Variants in NEGR1 observed in about 807,000 individuals in gnomAD.
The protein encoded by NEGR1 is IgLON family member 4.
A neutral mutation model predicts 40.9 loss-of-function variants in NEGR1; 10 were observed. The ratio of observed to expected loss-of-function variants is 0.24; its 90% CI spans 0.15 to 0.42. NEGR1 has a LOEUF of 0.42. NEGR1 is among the 10% of genes least tolerant of loss of function. NEGR1 has a pLI of 1.00. For synonymous variants in NEGR1, 185 were observed against 166.8 expected (o/e 1.11, Z -0.84); for missense variants, 352 against 438.9 (o/e 0.80, Z 1.77).
chr1:71,763,997 A>G (rs968850519), intron 3 of NEGR1, among the ~76,000 whole-genome samples: 1 of 152,130 alleles, frequency 6.6e-6, no homozygotes, highest in Non-Finnish European at 1.5e-5. Flanking sequence ...TATAAAGAAG[A>G]ACAGATTATT....
intron 2 of NEGR1, among the ~76,000 whole-genome samples, chr1:71,906,119 G>A (rs2101868251): frequency 1.3e-5 from 2 of 152,134 alleles, no homozygotes; most frequent in South Asian, 4.2e-4. Context: ...CTGCTAAAAC[G>A]GAGCACTCTA....
chr1:72,116,095 A>G (rs1462254610), intron 1 of NEGR1, among the ~76,000 whole-genome samples: 1 of 151,892 alleles, frequency 6.6e-6, no homozygotes, highest in East Asian at 1.9e-4. Context: ...CTGTATTATT[A>G]TCAGTGTGGA....
At chr1:72,164,411 C>T (rs1049224166) in intron 1 of NEGR1, among the ~76,000 whole-genome samples, 1 of 151,892 alleles carries the variant, frequency 6.6e-6, no homozygotes, top group Admixed American at 6.6e-5. Flanking sequence ...TTAAGGTCAA[C>T]CAGTCTCAAG....
chr1:71,853,472 A>C (rs1399475451), intron 2 of NEGR1, among the ~76,000 whole-genome samples: 1 of 152,102 alleles, frequency 6.6e-6, no homozygotes, highest in Non-Finnish European at 1.5e-5. Flanking sequence ...TTACAAAGAC[A>C]ATTGTGTCCA....
At chr1:71,848,841 A>G (rs994300350) in intron 2 of NEGR1, among the ~76,000 whole-genome samples, 37 of 152,132 alleles carry the variant, frequency 2.4e-4, no homozygotes, top group East Asian at 2.1e-3. Context: ...TAATCCCAGC[A>G]CTTTGGGAGG....
chr1:72,045,870 A>G (rs949225909), intron 1 of NEGR1, among the ~76,000 whole-genome samples: 1 of 151,838 alleles, frequency 6.6e-6, no homozygotes, highest in African/African-American at 2.4e-5. Context: ...GAAATTTCGA[A>G]AGAATATCTT....
chr1:71,623,959 C>T (rs1340017199), intron 4 of NEGR1, among the ~76,000 whole-genome samples: 1 of 151,908 alleles, frequency 6.6e-6, no homozygotes, highest in African/African-American at 2.4e-5. Flanking sequence ...AAGAGCAGCA[C>T]ATGAATAAAT....
chr1:72,211,287 A>G (rs1253663691), intron 1 of NEGR1, among the ~76,000 whole-genome samples: 1 of 151,742 alleles, frequency 6.6e-6, no homozygotes, highest in African/African-American at 2.4e-5. Context: ...CTGAACACCT[A>G]TCCCACTCAT....
At chr1:71,845,910 C>T (rs1166399661) in intron 2 of NEGR1, among the ~76,000 whole-genome samples, 2 of 149,086 alleles carry the variant, frequency 1.3e-5, no homozygotes, top group Non-Finnish European at 3.0e-5. Flanking sequence ...CAAGGGCATG[C>T]CACGGCACCT....
chr1:72,113,922 C>A (rs2100274601), intron 1 of NEGR1, among the ~76,000 whole-genome samples: 1 of 151,844 alleles, frequency 6.6e-6, no homozygotes, highest in Admixed American at 6.6e-5. Context: ...GTTTCTTATA[C>A]TTTTGCCATA....
chr1:71,968,475 G>A (rs1236745277), intron 1 of NEGR1, among the ~76,000 whole-genome samples: 1 of 152,088 alleles, frequency 6.6e-6, no homozygotes, highest in Non-Finnish European at 1.5e-5. Flanking sequence ...AACTGGGGAT[G>A]CATCCGTGAA....
At chr1:71,593,094 G>T in intron 5 of NEGR1, 126 bp from the exon 6 acceptor site, 1 of 555,180 alleles carries the variant, frequency 1.8e-6, no homozygotes, top group South Asian at 2.8e-5. Context: ...CATATAACGT[G>T]ATAATGGTGC....
intron 1 of NEGR1, among the ~76,000 whole-genome samples, chr1:72,079,710 C>T (rs1326974856): frequency 6.6e-6 from 1 of 151,940 alleles, no homozygotes; most frequent in African/African-American, 2.4e-5. Flanking sequence ...GGAATGAAGA[C>T]CAAATATACC....
At chr1:71,762,611 A>C (rs990832114) in intron 3 of NEGR1, among the ~76,000 whole-genome samples, 1 of 152,154 alleles carries the variant, frequency 6.6e-6, no homozygotes, top group Non-Finnish European at 1.5e-5. Context: ...CTATTCTGCA[A>C]TAAAAAAGAA....
intron 1 of NEGR1, among the ~76,000 whole-genome samples, chr1:72,093,970 A>G (rs994084740): frequency 1.3e-5 from 2 of 152,218 alleles, no homozygotes; most frequent in African/African-American, 2.4e-5. Context: ...ATTTTGTAGA[A>G]TGTGTTGCTT....
intron 2 of NEGR1, among the ~76,000 whole-genome samples, chr1:71,911,277 G>A (rs975006459): frequency 2.8e-4 from 43 of 152,218 alleles, no homozygotes; most frequent in African/African-American, 9.1e-4. Flanking sequence ...ATATGTAAGA[G>A]TTTTATAATA....
intron 6 of NEGR1, among the ~76,000 whole-genome samples, chr1:71,434,122 T>G (rs930579213): frequency 6.6e-6 from 1 of 152,116 alleles, no homozygotes; most frequent in African/African-American, 2.4e-5. Context: ...TTGAGAAAGT[T>G]TTTGGAGATT....
Position 71,887,553 on chromosome 1 carries a change from C to T in NEGR1, c.409+47526G>A, listed in dbSNP as rs923086522. On this transcript the variant is annotated intron_variant, in intron 2 of 6. Transcript: ENST00000357731. ...AGTAATTGTACATATTCATGGGATA[C>T]AGAGTGATGTTGCAATACGTATAAT... Among the ~76,000 whole-genome samples, 19 of 151,990 alleles carry T rather than the reference C, an allele frequency of 1.3e-4. 1 individual carries two copies. The highest frequency in any genetic ancestry group is 7.2e-4 in the Admixed American group (11 of 15,252).
chr1:72,154,141 T>C (rs1056405633), intron 1 of NEGR1, among the ~76,000 whole-genome samples: 1 of 151,786 alleles, frequency 6.6e-6, no homozygotes, highest in Non-Finnish European at 1.5e-5. Context: ...AATTTGGTTG[T>C]GTTTACTTTT....
Sources: gnomAD v4.1 joint callset for allele counts (sites outside exome capture counted in the v4.1 genomes callset) on GRCh38, gnomAD v4.1.1 for gene constraint, MANE v1.5 for transcripts, NCBI Gene and HGNC (gene_info 2026-07-23, HGNC 2026-07-21) for gene names.